The following HIVEP2 variants were observed in gnomAD, a reference collection of about 807,000 sequenced individuals.
The protein encoded by HIVEP2 is HIVEP zinc finger 2.
HIVEP2 carries 14 observed loss-of-function variants against 180.7 expected under a neutral mutation model. The observed-to-expected ratio is 0.08, with a 90% CI of 0.05 to 0.12. The LOEUF is 0.12. Ranked by LOEUF, HIVEP2 falls within the 10% of genes least tolerant of loss-of-function variation. The pLI is 1.00. For synonymous variants in HIVEP2, 1,184 were observed against 1,136.4 expected (o/e 1.04, Z -0.84); for missense variants, 2,579 against 3,008.5 (o/e 0.86, Z 3.34).
chr6:142,872,447 A>G (rs1053672126), intron 1 of HIVEP2, among the ~76,000 whole-genome samples: 1 of 152,334 alleles, frequency 6.6e-6, no homozygotes, highest in East Asian at 1.9e-4. Context: ...GTGATTTCAT[A>G]AAACCTTTCA....
At chr6:142,874,619 T>C (rs1776380434) in intron 1 of HIVEP2, among the ~76,000 whole-genome samples, 1 of 152,114 alleles carries the variant, frequency 6.6e-6, no homozygotes, top group African/African-American at 2.4e-5. Flanking sequence ...ATAAAACAAT[T>C]ATACTCTTCT....
chr6:142,755,964 T>A (rs985390615), intron 9 of HIVEP2, among the ~76,000 whole-genome samples: 3 of 152,210 alleles, frequency 2.0e-5, no homozygotes, highest in Non-Finnish European at 4.4e-5. Flanking sequence ...CCATTTGCAA[T>A]CCTATTGTTT....
chr6:142,759,869 G>A lies in HIVEP2; in HGVS notation c.6419C>T (p.Thr2140Ile). The change falls in exon 9 of 10, where the codon ACA (threonine) becomes ATA (isoleucine). Residue 2140 changes from threonine to isoleucine, a missense_variant. Coordinates refer to ENST00000367603, the MANE Select transcript of HIVEP2 (RefSeq NM_006734.4). The stretch of plus-strand genomic sequence containing the variant: ...CCTTCTGGGAGATGGCGCTCTTATT[G>A]TGGTCATGTATCTTCTCTCTCTTCT... ...SPRRERRYMT[T>I]IRAPSPRRAL... The A allele has an allele frequency of 3.1e-6, 5 of 1,614,142 alleles. No homozygotes were observed. In the South Asian group the frequency reaches 5.5e-5, roughly 18 times the overall value.
chr6:142,827,524 G>A (rs574743149), intron 2 of HIVEP2, among the ~76,000 whole-genome samples: 10 of 152,264 alleles, frequency 6.6e-5, no homozygotes, highest in East Asian at 1.9e-4. Flanking sequence ...GTCTGTGTGC[G>A]CGCACGCACG....
At chr6:142,936,706 A>T (rs1338730061) in intron 1 of HIVEP2, among the ~76,000 whole-genome samples, 1 of 152,204 alleles carries the variant, frequency 6.6e-6, no homozygotes, top group African/African-American at 2.4e-5. Context: ...TATTTGGGTT[A>T]AGAGAGACCA....
intron 9 of HIVEP2, among the ~76,000 whole-genome samples, chr6:142,756,189 G>A (rs183350437): frequency 6.6e-6 from 1 of 152,118 alleles, no homozygotes; most frequent in East Asian, 1.9e-4. Context: ...ATTACCCTAC[G>A]CATCTCTTCA....
intron 1 of HIVEP2, among the ~76,000 whole-genome samples, chr6:142,937,938 CTTCTAACGGA>C (rs1778094052): frequency 6.6e-6 from 1 of 152,194 alleles, no homozygotes; most frequent in African/African-American, 2.4e-5. Context: ...AATTGCCTTC[CTTCTAACGGA>C]TTTGCTAAAT....
At chr6:142,880,765 T>C (rs1297645388) in intron 1 of HIVEP2, among the ~76,000 whole-genome samples, 1 of 152,130 alleles carries the variant, frequency 6.6e-6, no homozygotes, top group African/African-American at 2.4e-5. Context: ...TCTTCCTAGA[T>C]TCCCTCCATC....
intron 1 of HIVEP2, among the ~76,000 whole-genome samples, chr6:142,872,996 A>G (rs1433873666): frequency 6.6e-6 from 1 of 152,234 alleles, no homozygotes; most frequent in Non-Finnish European, 1.5e-5. Context: ...CACAAGGGCA[A>G]CCATAAGACA....
chr6:142,788,638 G>A (rs777528219), intron 2 of HIVEP2, among the ~76,000 whole-genome samples: 13 of 152,038 alleles, frequency 8.6e-5, no homozygotes, highest in Admixed American at 3.9e-4. Flanking sequence ...TCTTGAACCC[G>A]GGAAGCAGAG....
At chr6:142,755,106 C>T (rs960199510) in intron 9 of HIVEP2, among the ~76,000 whole-genome samples, 1 of 152,168 alleles carries the variant, frequency 6.6e-6, no homozygotes, top group African/African-American at 2.4e-5. Context: ...TCAAGGTATG[C>T]TCTGCAGCAT....
intron 1 of HIVEP2, among the ~76,000 whole-genome samples, chr6:142,900,554 T>A (rs1777111020): frequency 6.6e-6 from 1 of 152,108 alleles, no homozygotes; most frequent in Non-Finnish European, 1.5e-5. Context: ...GGAATAAGAC[T>A]GTGGAAAGAA....
intron 1 of HIVEP2, among the ~76,000 whole-genome samples, chr6:142,840,201 T>C (rs1775328349): frequency 1.3e-5 from 2 of 152,200 alleles, no homozygotes; most frequent in East Asian, 1.9e-4. Flanking sequence ...TGACAAGTTA[T>C]ACGCCCAAGA....
At chr6:142,945,533 G>A (rs1778305986), upstream of HIVEP2, among the ~76,000 whole-genome samples, 1 of 152,188 alleles carries the variant, frequency 6.6e-6, no homozygotes, top group Non-Finnish European at 1.5e-5. The surrounding 1 kb of genome is among the most constrained non-coding windows in gnomAD (Gnocchi z 5.5). Flanking sequence ...CCGCTCTCGC[G>A]GTGGCCGGTC....
At chr6:142,767,695 A>C (rs1210005691) in intron 6 of HIVEP2, among the ~76,000 whole-genome samples, 1 of 152,250 alleles carries the variant, frequency 6.6e-6, no homozygotes, top group Non-Finnish European at 1.5e-5. Context: ...AATCTAAAAC[A>C]AGACATTACA....
intron 1 of HIVEP2, among the ~76,000 whole-genome samples, chr6:142,892,572 A>G (rs1438751639): frequency 6.6e-6 from 1 of 152,224 alleles, no homozygotes; most frequent in Non-Finnish European, 1.5e-5. Flanking sequence ...GACAGAAGTG[A>G]TTGGTCTATC....
chr6:142,920,960 G>A (rs916726281), intron 1 of HIVEP2, among the ~76,000 whole-genome samples: 2 of 152,188 alleles, frequency 1.3e-5, no homozygotes, highest in African/African-American at 4.8e-5. Flanking sequence ...TCCACAGTGA[G>A]TGACAGAGGG....
intron 2 of HIVEP2, among the ~76,000 whole-genome samples, chr6:142,790,373 C>T (rs892882273): frequency 1.3e-5 from 2 of 152,074 alleles, no homozygotes; most frequent in African/African-American, 4.8e-5. Flanking sequence ...CCTTCCATTT[C>T]CTCTATCTTA....
intron 1 of HIVEP2, among the ~76,000 whole-genome samples, chr6:142,892,736 T>C (rs985191666): frequency 6.6e-6 from 1 of 152,156 alleles, no homozygotes; most frequent in African/African-American, 2.4e-5. Flanking sequence ...CACAATTCTG[T>C]TGGTGTAAAA....
Sources: gnomAD v4.1 joint callset for allele counts (sites outside exome capture counted in the v4.1 genomes callset) on GRCh38, gnomAD v4.1.1 for gene constraint, Gnocchi (gnomAD v3.1) non-coding constraint, MANE v1.5 for transcripts, NCBI Gene and HGNC (gene_info 2026-07-23, HGNC 2026-07-21) for gene names.